Variants in PCDHGB5 observed in about 807,000 individuals in gnomAD.
PCDHGB5 encodes protocadherin gamma subfamily B, 5, also known as protocadherin gamma-B5.
A neutral mutation model predicts 62.9 loss-of-function variants in PCDHGB5; 48 were observed. The observed-to-expected ratio is 0.76, with a 90% CI of 0.61 to 0.97. PCDHGB5 has a LOEUF of 0.97. Ranked by LOEUF, PCDHGB5 falls within the 50% of genes least tolerant of loss-of-function variation. The pLI is 0.00. For missense variants in PCDHGB5, 1,118 were observed against 1,198.6 expected (o/e 0.93, Z 0.99); for synonymous variants, 474 against 511.2 (o/e 0.93, Z 0.98).
chr5:141,494,844 C>T lies in PCDHGB5; in HGVS notation c.2435C>T (p.Ala812Val). The change falls in exon 2 of 4, where the codon GCC becomes GTC. Residue 812 changes from alanine to valine, a missense_variant. Ala to Val is a moderately conservative substitution (Grantham distance 64). This residue lies in a region of PCDHGB5 where 1,034 missense variants were observed against 1,029.1 expected (regional missense o/e 1.00). Coordinates refer to ENST00000617380, the MANE Select transcript of PCDHGB5 (RefSeq NM_018925.3). ...PPNTDWRFSQ[A>V]QRPGTSGSQN... The stretch of plus-strand genomic sequence containing the variant: ...AACACGGACTGGCGTTTCTCTCAGG[C>T]CCAGAGACCCGGCACCAGCGGGTAG... The T allele has an allele frequency of 6.2e-7, 1 of 1,614,190 alleles. No homozygotes were observed. The highest frequency in any genetic ancestry group is 8.5e-7 in the Non-Finnish European group (1 of 1,180,028).
At chr5:141,433,854 A>T (rs2097660850) in intron 1 of PCDHGB5, among the ~76,000 whole-genome samples, 1 of 151,852 alleles carries the variant, frequency 6.6e-6, no homozygotes, top group African/African-American at 2.4e-5. Context: ...AAAAAAAAAA[A>T]ACTTTATCCT....
At chr5:141,419,174 A>G (rs1283454889) in intron 1 of PCDHGB5, 1 of 1,613,840 alleles carries the variant, frequency 6.2e-7, no homozygotes, top group East Asian at 2.2e-5. Flanking sequence ...CAAAACCATA[A>G]CCCTGCACAT....
Position 141,487,397 on chromosome 5 carries a change from G to A in PCDHGB5, c.2398-7410G>A. 1 of 1,614,062 alleles carries A rather than the reference G, an allele frequency of 6.2e-7. No homozygotes were observed. Among genetic ancestry groups the A allele is most frequent in the Middle Eastern group, 1.6e-4 (1 of 6,062 alleles). Reference sequence around the variant, plus strand: ...TCTCACCAGATCTCGAAGGAGGGAGGGGCTTCCCCCTTCCAATGGGATCCT... The same window carrying A: ...TCTCACCAGATCTCGAAGGAGGGAGAGGCTTCCCCCTTCCAATGGGATCCT... On this transcript the variant is annotated intron_variant, in intron 1 of 3. Coordinates refer to ENST00000617380, the MANE Select transcript of PCDHGB5 (RefSeq NM_018925.3). This position sits in a 1 kb window ranked among gnomAD's most constrained non-coding sequence, Gnocchi z 5.0.
At chr5:141,423,167 T>C in intron 1 of PCDHGB5, 1 of 1,613,424 alleles carries the variant, frequency 6.2e-7, no homozygotes, top group Non-Finnish European at 8.5e-7. Context: ...GTGGTGGCCG[T>C]CCAGGACCAC....
chr5:141,473,382 C>A (rs780229708), intron 1 of PCDHGB5, among the ~76,000 whole-genome samples: 12 of 152,190 alleles, frequency 7.9e-5, no homozygotes, highest in Non-Finnish European at 1.8e-4. Context: ...TGGTCCCTGC[C>A]CTCCTGGAGC....
intron 1 of PCDHGB5, among the ~76,000 whole-genome samples, chr5:141,482,755 T>TGAAGTGGGAGAATTGCTTGAGCCTGGG (rs1554165462): frequency 6.3e-5 from 9 of 143,570 alleles, no homozygotes; most frequent in African/African-American, 1.4e-4. Context: ...GGGATTATGG[T>TGAAGTGGGAGAATTGCTTGAGCCTGGG]ATTTCATTAT....
rs373882091 is a variant in PCDHGB5 at position 141,432,369 on chromosome 5, A to T, written c.2397+31845A>T. 1.2e-6 allele frequency: 2 copies of T among 1,614,104 alleles called. No homozygotes were observed. Among genetic ancestry groups the T allele is most frequent in the African/African-American group, 2.7e-5 (2 of 74,938 alleles). On this transcript the variant is annotated intron_variant, in intron 1 of 3. Transcript: ENST00000617380. The surrounding 1 kb of genome is among the most constrained non-coding windows in gnomAD (Gnocchi z 6.0). Reference sequence around the variant, plus strand: ...CAAGTGAAAGTGATGGCGCGGGACAACGGGCACCCGCCCCTCAGCAGCAAC... The same window carrying T: ...CAAGTGAAAGTGATGGCGCGGGACATCGGGCACCCGCCCCTCAGCAGCAAC...
intron 1 of PCDHGB5, chr5:141,415,794 A>C: frequency 7.3e-7 from 1 of 1,366,410 alleles, no homozygotes; most frequent in Non-Finnish European, 9.3e-7. Context: ...AAATTCACCT[A>C]GTCTCAATCA....
chr5:141,508,867 G>A (rs2099872497), intron 3 of PCDHGB5, among the ~76,000 whole-genome samples: 1 of 152,108 alleles, frequency 6.6e-6, no homozygotes. Flanking sequence ...GGGAAAGGCT[G>A]AAGAGGCTGA....
chr5:141,497,217 G>A (rs1046945884), intron 2 of PCDHGB5, among the ~76,000 whole-genome samples: 1 of 152,066 alleles, frequency 6.6e-6, no homozygotes, highest in African/African-American at 2.4e-5. Flanking sequence ...AATGGGGGGG[G>A]GAAGATCAGA....
Position 141,490,685 on chromosome 5 carries a change from A to G in PCDHGB5, c.2398-4122A>G, listed in dbSNP as rs2099703028. On this transcript the variant is annotated intron_variant, in intron 1 of 3. Coordinates refer to ENST00000617380, the MANE Select transcript of PCDHGB5 (RefSeq NM_018925.3). The surrounding 1 kb of genome is among the most constrained non-coding windows in gnomAD (Gnocchi z 5.4). ...TGCACTGTGGCTGCCTCAGATCCAGACACTGGGGATAATGCCCGCCTCACC... is the reference window on the plus strand; with the variant it reads ...TGCACTGTGGCTGCCTCAGATCCAGGCACTGGGGATAATGCCCGCCTCACC... The G allele has an allele frequency of 1.9e-6, 3 of 1,614,030 alleles. No individual in the cohort carries two copies. Among genetic ancestry groups the G allele is most frequent in the South Asian group, 2.2e-5 (2 of 91,082 alleles).
intron 3 of PCDHGB5, 119 bp downstream of exon 3, chr5:141,505,600 G>T: frequency 1.3e-6 from 2 of 1,554,224 alleles, no homozygotes; most frequent in Middle Eastern, 3.4e-4. Context: ...AGATCTTTCG[G>T]CAGGTCTGAA....
At position 141,409,906 on chromosome 5, in the gene PCDHGB5, T is replaced by C. The variant is rs779572711; in HGVS notation, c.2397+9382T>C. Reference sequence around the variant, plus strand: ...CGCGGGTGCTGTACCCAGCTCTGGGTCCTGACGGCTCCGCGTTCTTCGATA... The same window carrying C: ...CGCGGGTGCTGTACCCAGCTCTGGGCCCTGACGGCTCCGCGTTCTTCGATA... On this transcript the variant is annotated intron_variant, in intron 1 of 3. Transcript: ENST00000617380. 6 of 1,613,214 alleles carry C rather than the reference T, an allele frequency of 3.7e-6. No homozygotes were observed. The South Asian group carries it at 6.6e-5, about 18-fold the overall frequency.
intron 2 of PCDHGB5, among the ~76,000 whole-genome samples, chr5:141,499,738 A>G (rs1284003023): frequency 2.4e-5 from 3 of 127,268 alleles, no homozygotes; most frequent in South Asian, 2.4e-4. Flanking sequence ...TCTCTTGCCC[A>G]GGCTGTGGCA....
rs375469126 is a variant in PCDHGB5 at position 141,405,300 on chromosome 5, A to G, written c.2397+4776A>G. 207 of 1,614,206 alleles carry G rather than the reference A, an allele frequency of 1.3e-4. No homozygotes were observed. Among genetic ancestry groups the G allele is most frequent in the Non-Finnish European group, 1.6e-4 (193 of 1,180,010 alleles). On this transcript the variant is annotated intron_variant, in intron 1 of 3. Transcript: ENST00000617380. Reference sequence around the variant, plus strand: ...TATGCAGACACACTCATCAGCCAGCAGAGCTGTGAGAAAAATGAGCCTTTG... The same window carrying G: ...TATGCAGACACACTCATCAGCCAGCGGAGCTGTGAGAAAAATGAGCCTTTG...
chr5:141,477,229 C>T lies in PCDHGB5; in HGVS notation c.2398-17578C>T. ...AGGATGCCCCTCTGGGGACTGTCAT[C>T]GCTTTGCTCAGTGTGACTGACCTGG... On this transcript the variant is annotated intron_variant, in intron 1 of 3. Transcript: ENST00000617380. The surrounding 1 kb of genome is among the most constrained non-coding windows in gnomAD (Gnocchi z 4.9). 6.2e-7 allele frequency: 1 copy of T among 1,614,222 alleles called. No homozygotes were observed. Among genetic ancestry groups the T allele is most frequent in the Non-Finnish European group, 8.5e-7 (1 of 1,180,052 alleles).
At chr5:141,402,391 T>C (rs1344810342) in intron 1 of PCDHGB5, among the ~76,000 whole-genome samples, 3 of 151,962 alleles carry the variant, frequency 2.0e-5, no homozygotes, top group African/African-American at 7.2e-5. Context: ...AAAAATTACT[T>C]CAGAAAATTG....
chr5:141,474,135 G>C (rs1032470573), intron 1 of PCDHGB5, among the ~76,000 whole-genome samples: 2 of 152,062 alleles, frequency 1.3e-5, no homozygotes, highest in Admixed American at 1.3e-4. Context: ...GAAAACTACA[G>C]GCCTTATTAT....
chr5:141,460,608 T>A (rs2098993153), intron 1 of PCDHGB5, among the ~76,000 whole-genome samples: 1 of 152,186 alleles, frequency 6.6e-6, no homozygotes, highest in Non-Finnish European at 1.5e-5. Context: ...CTGTGTTAGA[T>A]GGATAGATAG....
Sources: allele counts gnomAD v4.1 joint callset (sites outside exome capture counted in the v4.1 genomes callset), GRCh38; gene constraint gnomAD v4.1.1; regional missense constraint gnomAD v4.1.1; non-coding constraint Gnocchi (gnomAD v3.1); transcripts MANE v1.5; gene names NCBI Gene and HGNC (gene_info 2026-07-23, HGNC 2026-07-21).